The following SCPEP1 variants were observed in gnomAD, a reference collection of about 807,000 sequenced individuals.
SCPEP1 encodes retinoid-inducible serine carboxypeptidase.
A neutral mutation model predicts 63.8 loss-of-function variants in SCPEP1; 51 were observed. The observed-to-expected ratio is 0.80, with a 90% CI of 0.64 to 1.01. The LOEUF (loss-of-function observed/expected upper bound fraction) is 1.01. Among genes scored for constraint, SCPEP1 ranks in the 50% least tolerant of loss-of-function variants. The pLI is 0.00. For synonymous variants in SCPEP1, 204 were observed against 207.8 expected (o/e 0.98, Z 0.16); for missense variants, 499 against 554.9 (o/e 0.90, Z 1.01).
At position 56,994,963 on chromosome 17, in the gene SCPEP1, A is replaced by G. The variant is rs1400088197; in HGVS notation, c.620-18A>G. 11 of 1,607,012 alleles carry G rather than the reference A, an allele frequency of 6.8e-6. No homozygotes were observed. The highest frequency in any genetic ancestry group is 4.5e-5 in the East Asian group (2 of 44,844). On this transcript the variant is annotated intron_variant, in intron 6 of 12. Transcript: ENST00000262288. ...GAGGTATGACATACTTGATTTGTAC[A>G]TATGTGATTTCCTTTAGATTCGGTG...
Position 56,985,500 on chromosome 17 carries a change from C to T in SCPEP1, c.315+33C>T, listed in dbSNP as rs770702226. Reference sequence around the variant, plus strand: ...GAGGACAGTCCTGAGCTAAACCTTGCCCCGTGGCCTCTCAGAGGCCCTGCC... The same window carrying T: ...GAGGACAGTCCTGAGCTAAACCTTGTCCCGTGGCCTCTCAGAGGCCCTGCC... On this transcript the variant is annotated intron_variant, in intron 3 of 12. Transcript: ENST00000262288. 5.2e-6 allele frequency: 8 copies of T among 1,550,608 alleles called. No individual in the cohort carries two copies. The African/African-American group carries it at 9.5e-5, about 18-fold the overall frequency.
Position 57,006,511 on chromosome 17 carries a change from G to A in SCPEP1, c.*276G>A, listed in dbSNP as rs1323336060. Reference sequence around the variant, plus strand: ...GATATTATTTTTTCTTATGACAGAAGCAAATGATGTGATTTATAGAAAAAC... The same window carrying A: ...GATATTATTTTTTCTTATGACAGAAACAAATGATGTGATTTATAGAAAAAC... On this transcript the variant is annotated 3_prime_UTR_variant, in exon 13 of 13. Coordinates refer to ENST00000262288, the MANE Select transcript of SCPEP1 (RefSeq NM_021626.3). 4.0e-6 allele frequency: 1 copy of A among 247,238 alleles called. No homozygotes were observed. The highest frequency in any genetic ancestry group is 7.6e-6 in the Non-Finnish European group (1 of 131,374). 15.3% of individuals were successfully genotyped at this position (247,238 alleles called of 1,614,324 possible).
intron 2 of SCPEP1, 88 bp downstream of exon 2, chr17:56,981,318 A>G: frequency 6.8e-7 from 1 of 1,464,100 alleles, no homozygotes; most frequent in Non-Finnish European, 9.4e-7. Flanking sequence ...ATGTCTCAGC[A>G]GTGAAGGGCG....
chr17:57,002,240 G>A, intron 12 of SCPEP1, 59 bp downstream of exon 12: 2 of 1,555,528 alleles, frequency 1.3e-6, no homozygotes, highest in African/African-American at 1.4e-5. Context: ...GCCACAGGCG[G>A]TTATTATGCC....
At position 56,985,486 on chromosome 17, in the gene SCPEP1, T is replaced by G. The variant is rs777851752; in HGVS notation, c.315+19T>G. On this transcript the variant is annotated intron_variant, in intron 3 of 12. Transcript: ENST00000262288. ...CACCTGGGTACAGTGAGGACAGTCCTGAGCTAAACCTTGCCCCGTGGCCTC... is the reference window on the plus strand; with the variant it reads ...CACCTGGGTACAGTGAGGACAGTCCGGAGCTAAACCTTGCCCCGTGGCCTC... The G allele has an allele frequency of 6.3e-7, 1 of 1,596,866 alleles. No individual in the cohort carries two copies. Among genetic ancestry groups the G allele is most frequent in the Non-Finnish European group, 8.6e-7 (1 of 1,164,400 alleles).
At chr17:56,983,076 TC>T (rs1219457797) in intron 2 of SCPEP1, 1 of 152,166 alleles carries the variant, frequency 6.6e-6, no homozygotes, top group Non-Finnish European at 1.5e-5. Context: ...TTTCACTTGG[TC>T]CACTGACACA....
intron 2 of SCPEP1, among the ~76,000 whole-genome samples, chr17:56,981,867 G>GA (rs1231073704): frequency 6.6e-6 from 1 of 152,082 alleles, no homozygotes; most frequent in Admixed American, 6.6e-5. Flanking sequence ...CCAAAGCAAA[G>GA]ACCTGAGGTA....
At position 56,997,266 on chromosome 17, in the gene SCPEP1, C is replaced by T. The variant is rs139171114; in HGVS notation, c.880+211C>T. On this transcript the variant is annotated intron_variant, in intron 9 of 12. Coordinates refer to ENST00000262288, the MANE Select transcript of SCPEP1 (RefSeq NM_021626.3). ...TTTCTGTCACCCCAAGGAGATCCCACGTGTCTGCTTGCAGACAGTTCTCAT... is the reference window on the plus strand; with the variant it reads ...TTTCTGTCACCCCAAGGAGATCCCATGTGTCTGCTTGCAGACAGTTCTCAT... The T allele has an allele frequency of 1.3e-3, 541 of 403,124 alleles. 4 individuals carry two copies. In the East Asian group the frequency reaches 0.015, roughly 11 times the overall value. 25.0% of individuals were successfully genotyped at this position (403,124 alleles called of 1,614,324 possible). A position where few individuals can be genotyped will look rare whatever the true frequency, so the allele number is the denominator to read the frequency against.
intron 1 of SCPEP1, 58 bp downstream of exon 1, chr17:56,978,293 A>T: frequency 6.7e-7 from 1 of 1,484,666 alleles, no homozygotes; most frequent in South Asian, 1.2e-5. Context: ...CAGGCGTGAG[A>T]GTTTGTTACT....
At chr17:56,981,599 G>A (rs1344285173) in intron 2 of SCPEP1, among the ~76,000 whole-genome samples, 2 of 152,116 alleles carry the variant, frequency 1.3e-5, no homozygotes, top group Admixed American at 1.3e-4. Context: ...TGGATCATAC[G>A]AGGCCAGGAG....
intron 1 of SCPEP1, among the ~76,000 whole-genome samples, chr17:56,980,106 TTTGG>T (rs1355722950): frequency 6.6e-6 from 1 of 152,076 alleles, no homozygotes; most frequent in Non-Finnish European, 1.5e-5. Context: ...TTTTTGTTTG[TTTGG>T]TTGGTTGGTT....
rs1322133205 is a variant in SCPEP1 at position 56,981,105 on chromosome 17, G to C, written c.100G>C (p.Glu34Gln). 4.3e-6 allele frequency: 7 copies of C among 1,614,134 alleles called. No homozygotes were observed. In the African/African-American group the frequency reaches 6.7e-5, roughly 15 times the overall value. ...NAGAVIDWPT[E>Q]EGKEVWDYVT... ...AGGAGCTGTCATTGACTGGCCCACA[G>C]AGGAGGGCAAGGAAGTATGGGATTA... is the stretch of plus-strand genomic sequence containing the variant. The change falls in exon 2 of 13, where the codon GAG becomes CAG. Residue 34 changes from glutamate (E) to glutamine (Q), a missense_variant. By Grantham distance (29) the Glu-to-Gln change is conservative. Transcript: ENST00000262288.
At chr17:56,981,718 T>C (rs1419269856) in intron 2 of SCPEP1, among the ~76,000 whole-genome samples, 2 of 152,108 alleles carry the variant, frequency 1.3e-5, no homozygotes, top group Non-Finnish European at 2.9e-5. Context: ...GCTACTCAGA[T>C]GGTTGAGGCA....
At chr17:56,999,764 C>A (rs1229674522) in intron 10 of SCPEP1, among the ~76,000 whole-genome samples, 1 of 152,120 alleles carries the variant, frequency 6.6e-6, no homozygotes, top group Non-Finnish European at 1.5e-5. Context: ...GGGCGGATCA[C>A]CTGAGGTCGG....
intron 5 of SCPEP1, among the ~76,000 whole-genome samples, chr17:56,990,323 CAGTG>C (rs1911354878): frequency 6.6e-6 from 1 of 152,106 alleles, no homozygotes; most frequent in Non-Finnish European, 1.5e-5. Flanking sequence ...GTTTGAATAT[CAGTG>C]AGCTTAAATA....
chr17:57,001,339 C>T lies in SCPEP1; in HGVS notation c.1132+347C>T, dbSNP rs6503777. Among the ~76,000 whole-genome samples the T allele has an allele frequency of 4.7e-3, 722 of 152,190 alleles. 10 individuals are homozygous for T. The highest frequency in any genetic ancestry group is 0.017 in the African/African-American group (688 of 41,520). On this transcript the variant is annotated intron_variant, in intron 11 of 12. Transcript: ENST00000262288. ...CCTCATTTTTGTGCGACATCACAGT[C>T]GATGTTGACCACTGCAGAGTGAATT...
intron 5 of SCPEP1, among the ~76,000 whole-genome samples, chr17:56,989,410 A>C (rs1911318069): frequency 6.6e-6 from 1 of 152,234 alleles, no homozygotes. Context: ...TTTGATGGGA[A>C]TACAAATTAA....
chr17:57,002,230 GC>G, intron 12 of SCPEP1, 49 bp downstream of exon 12: 1 of 1,584,004 alleles, frequency 6.3e-7, no homozygotes, highest in Non-Finnish European at 8.6e-7. Context: ...TGAGAGGGAA[GC>G]CACAGGCGGT....
At chr17:56,980,981 A>G in intron 1 of SCPEP1, 101 bp from the exon 2 acceptor site, 1 of 1,378,394 alleles carries the variant, frequency 7.3e-7, no homozygotes. Context: ...CAAACTATAA[A>G]ACAAATCATC....
Sources: gnomAD v4.1 joint callset for allele counts (sites outside exome capture counted in the v4.1 genomes callset) on GRCh38, gnomAD v4.1.1 for gene constraint, MANE v1.5 for transcripts, NCBI Gene and HGNC (gene_info 2026-07-23, HGNC 2026-07-21) for gene names.